CDC42BPA: variants seen among roughly 807,000 people sequenced by gnomAD.
CDC42BPA encodes the protein serine/threonine-protein kinase MRCK alpha.
Under a neutral mutation model 223.5 loss-of-function variants are expected in CDC42BPA, and 80 were observed. That is an observed-to-expected ratio of 0.36 (90% CI 0.30 to 0.43). The LOEUF is 0.43. Among genes scored for constraint, CDC42BPA ranks in the 20% least tolerant of loss-of-function variants. The pLI is 1.00. For missense variants in CDC42BPA, 1,743 were observed against 2,099.9 expected (o/e 0.83, Z 3.32); for synonymous variants, 694 against 718.6 (o/e 0.97, Z 0.55).
chr1:227,028,670 A>T lies in CDC42BPA; in HGVS notation c.4419T>A (p.Asn1473Lys). ...SRQQELMWPA[N>K]PSSCCYNAPY... ...AGAGAATCTTACAACAAGAGGAAGG[A>T]TTTGCTGGCCACATCAATTCCTGTT... The change falls in exon 30 of 37, where the codon AAT becomes AAA. Residue 1473 changes from asparagine to lysine, a missense_variant. Asn to Lys is a moderately conservative substitution (Grantham distance 94, BLOSUM62 0). Coordinates refer to ENST00000366766, the MANE Select transcript of CDC42BPA (RefSeq NM_001394014.1). The T allele has an allele frequency of 6.4e-7, 1 of 1,560,998 alleles. No individual in the cohort carries two copies. The highest frequency in any genetic ancestry group is 8.7e-7 in the Non-Finnish European group (1 of 1,148,446).
intron 1 of CDC42BPA, among the ~76,000 whole-genome samples, chr1:227,286,664 A>G (rs1378569980): frequency 6.6e-6 from 1 of 152,084 alleles, no homozygotes; most frequent in Non-Finnish European, 1.5e-5. Flanking sequence ...AATTTTCTGT[A>G]TTAGTGTATT....
rs763761337 is a variant in CDC42BPA, at chr1:227,205,287, T to G, written c.355-5635A>C. On this transcript the variant is annotated intron_variant, in intron 3 of 36. Coordinates refer to ENST00000366766, the MANE Select transcript of CDC42BPA (RefSeq NM_001394014.1). ...CTGTCTCAAAAAAAAAAAAAAAATATATATATATATATATATATACACACA... is the reference window on the plus strand; with the variant it reads ...CTGTCTCAAAAAAAAAAAAAAAATAGATATATATATATATATATACACACA... 3.3e-5 allele frequency among the ~76,000 whole-genome samples: 3 copies of G among 89,680 alleles called. No individual in the cohort carries two copies. The East Asian group carries it at 8.3e-4, about 25-fold the overall frequency. The allele number at this position is 89,680 out of a possible 152,430, so 58.8% of individuals were successfully genotyped here. A position where few individuals can be genotyped will look rare whatever the true frequency, so the allele number is the denominator to read the frequency against.
At chr1:227,071,481 T>C (rs1678324444) in intron 20 of CDC42BPA, among the ~76,000 whole-genome samples, 1 of 151,898 alleles carries the variant, frequency 6.6e-6, no homozygotes, top group South Asian at 2.1e-4. Flanking sequence ...GTAATACAGC[T>C]ATGAAGCACT....
chr1:227,081,601 C>T (rs901670990), intron 16 of CDC42BPA, among the ~76,000 whole-genome samples: 2 of 151,656 alleles, frequency 1.3e-5, no homozygotes, highest in African/African-American at 4.8e-5. Flanking sequence ...TACAGATGTG[C>T]GCCATCACGC....
intron 23 of CDC42BPA, among the ~76,000 whole-genome samples, chr1:227,046,224 G>A (rs1672419472): frequency 6.6e-6 from 1 of 152,138 alleles, no homozygotes; most frequent in African/African-American, 2.4e-5. Flanking sequence ...GTCCACATGA[G>A]AGCAAACATA....
intron 22 of CDC42BPA, 35 bp from the exon 23 acceptor site, chr1:227,048,045 T>C (rs955647342): frequency 1.6e-6 from 2 of 1,246,854 alleles, no homozygotes; most frequent in Non-Finnish European, 2.3e-6. Flanking sequence ...ATAAATGTCA[T>C]GAAACACTCC....
chr1:227,268,605 G>A (rs1258850910), intron 1 of CDC42BPA, among the ~76,000 whole-genome samples: 1 of 137,962 alleles, frequency 7.2e-6, no homozygotes, highest in African/African-American at 2.7e-5. Context: ...TATAGTGTGT[G>A]TATAGTGTGT....
At position 226,992,159 on chromosome 1, in the gene CDC42BPA, T is replaced by C. The variant is rs530479091; in HGVS notation, c.*2109A>G. Reference sequence around the variant, plus strand: ...GACTCCCTTCTCTCACGTGAGGTGCTGAGGACAAGGATCTACCAAGTCATA... The same window carrying C: ...GACTCCCTTCTCTCACGTGAGGTGCCGAGGACAAGGATCTACCAAGTCATA... On this transcript the variant is annotated 3_prime_UTR_variant, in exon 37 of 37. Coordinates refer to ENST00000366766, the MANE Select transcript of CDC42BPA (RefSeq NM_001394014.1). The C allele has an allele frequency of 1.1e-4, 16 of 152,070 alleles. No individual in the cohort carries two copies. The highest frequency in any genetic ancestry group is 2.2e-4 in the Non-Finnish European group (15 of 68,036). 9.4% of individuals were successfully genotyped at this position (152,070 alleles called of 1,614,324 possible).
intron 11 of CDC42BPA, 119 bp downstream of exon 11, chr1:227,128,990 A>G: frequency 1.4e-6 from 1 of 704,606 alleles, no homozygotes; most frequent in Non-Finnish European, 2.4e-6. Context: ...CCCTTCCCTG[A>G]CTAGCATGCA....
intron 23 of CDC42BPA, among the ~76,000 whole-genome samples, chr1:227,040,835 ATAGT>A (rs1311147395): frequency 6.6e-6 from 1 of 152,188 alleles, no homozygotes; most frequent in Non-Finnish European, 1.5e-5. Context: ...TGAATACACC[ATAGT>A]TAAAGGTATC....
At chr1:227,202,503 G>T (rs1426879203) in intron 3 of CDC42BPA, among the ~76,000 whole-genome samples, 1 of 151,878 alleles carries the variant, frequency 6.6e-6, no homozygotes, top group Admixed American at 6.6e-5. Flanking sequence ...ATAAACATTC[G>T]TTATTTAATT....
At chr1:227,314,596 G>C (rs1287156582) in intron 1 of CDC42BPA, among the ~76,000 whole-genome samples, 1 of 151,970 alleles carries the variant, frequency 6.6e-6, no homozygotes, top group East Asian at 1.9e-4. Context: ...GCTGAATACA[G>C]CCGGTAAGAA....
At chr1:226,997,633 A>C (rs1661908641) in intron 35 of CDC42BPA, among the ~76,000 whole-genome samples, 1 of 152,126 alleles carries the variant, frequency 6.6e-6, no homozygotes, top group Admixed American at 6.5e-5. Flanking sequence ...GTGTCTCAAG[A>C]GATTCTGGTA....
Position 226,994,928 on chromosome 1 carries a change from G to C in CDC42BPA, c.5028C>G (p.Ser1676Arg). 1 of 1,614,142 alleles carries C rather than the reference G, an allele frequency of 6.2e-7. No homozygotes were observed. Among genetic ancestry groups the C allele is most frequent in the East Asian group, 2.2e-5 (1 of 44,886 alleles). ...GCATGGGCTGCCGCTTGGCACTGTAGCTTCCTCCAGAGAATTCCCTCTTTA... is the reference window on the plus strand; with the variant it reads ...GCATGGGCTGCCGCTTGGCACTGTACCTTCCTCCAGAGAATTCCCTCTTTA... ...SALKREFSGG[S>R]YSAKRQPMPS... Residue 1676 changes from serine to arginine, a missense_variant, in exon 36 of 37, where the codon AGC becomes AGG. This residue lies in a region of CDC42BPA where 200 missense variants were observed against 192.8 expected (regional missense o/e 1.04). Transcript: ENST00000366766. The surrounding 1 kb of genome is among the most constrained non-coding windows in gnomAD (Gnocchi z 4.0).
chr1:227,000,582 G>A (rs1458016443), intron 35 of CDC42BPA, among the ~76,000 whole-genome samples: 3 of 152,048 alleles, frequency 2.0e-5, no homozygotes, highest in Non-Finnish European at 4.4e-5. Flanking sequence ...ACAGGACTTT[G>A]TGGGAACAAC....
At chr1:227,133,100 C>CG (rs1288073558) in intron 10 of CDC42BPA, among the ~76,000 whole-genome samples, 1 of 150,666 alleles carries the variant, frequency 6.6e-6, no homozygotes, top group East Asian at 2.0e-4. Flanking sequence ...GGGTCAGCCC[C>CG]CCGCCCGGCC....
chr1:227,195,872 C>G (rs979097736), intron 4 of CDC42BPA, among the ~76,000 whole-genome samples: 1 of 152,036 alleles, frequency 6.6e-6, no homozygotes, highest in African/African-American at 2.4e-5. Flanking sequence ...AGGATATAAT[C>G]CTAAAATAAA....
chr1:227,316,127 C>T (rs1694347543), intron 1 of CDC42BPA, among the ~76,000 whole-genome samples: 1 of 152,142 alleles, frequency 6.6e-6, no homozygotes, highest in Non-Finnish European at 1.5e-5. Context: ...CAAAAGCCAA[C>T]GTACCACTAC....
At chr1:227,151,585 A>G (rs1661763744) in intron 6 of CDC42BPA, among the ~76,000 whole-genome samples, 2 of 152,128 alleles carry the variant, frequency 1.3e-5, no homozygotes, top group South Asian at 2.1e-4. Context: ...ATTCCCACCA[A>G]CAGTGCCCAA....
Sources: allele counts gnomAD v4.1 joint callset (sites outside exome capture counted in the v4.1 genomes callset), GRCh38; gene constraint gnomAD v4.1.1; regional missense constraint gnomAD v4.1.1; non-coding constraint Gnocchi (gnomAD v3.1); transcripts MANE v1.5; gene names NCBI Gene and HGNC (gene_info 2026-07-23, HGNC 2026-07-21).